The following INPP4B variants were observed in gnomAD, a reference collection of about 807,000 sequenced individuals.
The protein encoded by INPP4B is inositol polyphosphate 4-phosphatase type II.
INPP4B carries 55 observed loss-of-function variants against 122.5 expected under a neutral mutation model. The observed-to-expected ratio is 0.45, with a 90% CI of 0.36 to 0.56. INPP4B has a LOEUF of 0.56. Ranked by LOEUF, INPP4B falls within the 20% of genes least tolerant of loss-of-function variation. The pLI, the probability that INPP4B is intolerant of heterozygous loss-of-function variation, is 0.00. For missense variants in INPP4B, 1,000 were observed against 1,097.7 expected, an observed-to-expected ratio of 0.91 and a Z score of 1.26; for synonymous variants, 403 against 388.7, an observed-to-expected ratio of 1.04 and a Z score of -0.43.
At chr4:142,202,915 C>G (rs1280258720) in intron 14 of INPP4B, 1 of 287,772 alleles carries the variant, frequency 3.5e-6, no homozygotes, top group African/African-American at 2.3e-5. Context: ...TCTGCCTTTC[C>G]TCTCTTTTTG....
At chr4:142,154,793 T>C (rs1816292375) in intron 17 of INPP4B, among the ~76,000 whole-genome samples, 1 of 152,128 alleles carries the variant, frequency 6.6e-6, no homozygotes, top group African/African-American at 2.4e-5. Flanking sequence ...ATCTATTCTA[T>C]AAATGTGTAT....
intron 1 of INPP4B, among the ~76,000 whole-genome samples, chr4:142,759,556 C>T (rs563379345): frequency 6.6e-6 from 1 of 152,148 alleles, no homozygotes; most frequent in South Asian, 2.1e-4. Context: ...TTCTGCTTTG[C>T]ATGAATTACA....
At chr4:142,051,911 C>T (rs1754806752) in intron 25 of INPP4B, among the ~76,000 whole-genome samples, 1 of 151,908 alleles carries the variant, frequency 6.6e-6, no homozygotes, top group Admixed American at 6.6e-5. Flanking sequence ...TAGGGTTCTC[C>T]TACAAATCTG....
intron 23 of INPP4B, among the ~76,000 whole-genome samples, chr4:142,093,722 C>T (rs336297): frequency 0.55 from 82,963 of 152,020 alleles, 25,576 homozygotes; most frequent in Non-Finnish European, 0.68. Flanking sequence ...CAAAACTCCA[C>T]CAAAACCAGC....
At chr4:142,283,458 C>T (rs1752126958) in intron 9 of INPP4B, among the ~76,000 whole-genome samples, 1 of 152,134 alleles carries the variant, frequency 6.6e-6, no homozygotes, top group Non-Finnish European at 1.5e-5. Flanking sequence ...AGAATATATT[C>T]TAAGAAATAT....
chr4:142,321,150 T>C (rs964324568), intron 7 of INPP4B, among the ~76,000 whole-genome samples: 2 of 152,208 alleles, frequency 1.3e-5, no homozygotes, highest in African/African-American at 2.4e-5. Context: ...GATTTTTTAA[T>C]TGTGGCCATT....
At chr4:142,216,225 C>T (rs1252881248) in intron 12 of INPP4B, among the ~76,000 whole-genome samples, 2 of 152,328 alleles carry the variant, frequency 1.3e-5, no homozygotes, top group East Asian at 1.9e-4. Context: ...TTTACTCTCA[C>T]TAGAGTTCTA....
At chr4:142,303,814 C>T (rs926370344) in intron 9 of INPP4B, among the ~76,000 whole-genome samples, 2 of 152,060 alleles carry the variant, frequency 1.3e-5, no homozygotes, top group Non-Finnish European at 2.9e-5. Flanking sequence ...AGAAATTTGT[C>T]TTGTTTTCAT....
intron 2 of INPP4B, among the ~76,000 whole-genome samples, chr4:142,682,952 A>G (rs1758842485): frequency 6.6e-6 from 1 of 151,982 alleles, no homozygotes; most frequent in African/African-American, 2.4e-5. Context: ...ATGTATATGC[A>G]TATACACATA....
At chr4:142,435,109 T>C (rs1004088508) in intron 3 of INPP4B, among the ~76,000 whole-genome samples, 1 of 152,094 alleles carries the variant, frequency 6.6e-6, no homozygotes, top group Non-Finnish European at 1.5e-5. Flanking sequence ...ATGAGTTCCA[T>C]TTGTCCCATG....
At chr4:142,272,353 AAG>A (rs1324109201) in intron 9 of INPP4B, among the ~76,000 whole-genome samples, 2 of 152,114 alleles carry the variant, frequency 1.3e-5, no homozygotes, top group East Asian at 3.8e-4. Flanking sequence ...AGAAAATTAA[AAG>A]AGAAAATTTC....
chr4:142,628,566 A>G (rs1191933205), intron 2 of INPP4B, among the ~76,000 whole-genome samples: 1 of 150,978 alleles, frequency 6.6e-6, no homozygotes, highest in Non-Finnish European at 1.5e-5. Context: ...GTAAAAAAAA[A>G]AAAAAAAAAA....
At chr4:142,640,833 A>C (rs1459774635) in intron 2 of INPP4B, among the ~76,000 whole-genome samples, 1 of 152,144 alleles carries the variant, frequency 6.6e-6, no homozygotes, top group Non-Finnish European at 1.5e-5. Flanking sequence ...ACTCAAGCTC[A>C]TTAATAATCA....
intron 15 of INPP4B, among the ~76,000 whole-genome samples, chr4:142,174,614 C>G (rs568965984): frequency 7.6e-6 from 1 of 131,880 alleles, no homozygotes; most frequent in African/African-American, 2.5e-5. Flanking sequence ...TGATTATTAA[C>G]TAAAGAATTA....
At chr4:142,469,952 A>G (rs1818510128) in intron 2 of INPP4B, among the ~76,000 whole-genome samples, 1 of 152,262 alleles carries the variant, frequency 6.6e-6, no homozygotes, top group East Asian at 1.9e-4. Context: ...ACAGTTGCCT[A>G]TCCTTTTAGA....
intron 2 of INPP4B, among the ~76,000 whole-genome samples, chr4:142,673,134 G>T (rs542203491): frequency 9.4e-4 from 143 of 152,134 alleles, no homozygotes; most frequent in Non-Finnish European, 1.1e-3. Context: ...AATTACTCTA[G>T]TTAATACAAA....
At chr4:142,295,638 A>G (rs73850839) in intron 9 of INPP4B, among the ~76,000 whole-genome samples, 95 of 152,316 alleles carry the variant, frequency 6.2e-4, no homozygotes, top group African/African-American at 2.3e-3. Flanking sequence ...TTAATTTAAG[A>G]AAAGCTGCAG....
intron 2 of INPP4B, among the ~76,000 whole-genome samples, chr4:142,708,258 A>G (rs928010298): frequency 6.6e-6 from 1 of 152,226 alleles, no homozygotes; most frequent in African/African-American, 2.4e-5. Flanking sequence ...AGAGCATAAA[A>G]GTTTAGAAAA....
chr4:142,777,422 T>C (rs1774097728), intron 1 of INPP4B, among the ~76,000 whole-genome samples: 1 of 152,056 alleles, frequency 6.6e-6, no homozygotes, highest in Admixed American at 6.6e-5. Flanking sequence ...GCTGAGGGCC[T>C]GAGTCCTGCA....
Sources: allele counts gnomAD v4.1 joint callset (sites outside exome capture counted in the v4.1 genomes callset), GRCh38; gene constraint gnomAD v4.1.1; transcripts MANE v1.5; gene names NCBI Gene and HGNC (gene_info 2026-07-23, HGNC 2026-07-21).